Variants in TNRC18 observed in about 807,000 individuals in gnomAD.
The protein encoded by TNRC18 is trinucleotide repeat-containing gene 18 protein.
TNRC18 carries 69 observed loss-of-function variants against 226.7 expected under a neutral mutation model. The observed-to-expected ratio is 0.30, with a 90% CI of 0.25 to 0.37. The LOEUF is 0.37. Ranked by LOEUF, TNRC18 falls within the 10% of genes least tolerant of loss-of-function variation. The probability of loss-of-function intolerance (pLI) is 1.00; values close to 1 mark genes in which losing one functional copy is unlikely to be tolerated. For missense variants in TNRC18, 4,754 were observed against 4,256.6 expected, an observed-to-expected ratio of 1.12 and a Z score of -3.25; for synonymous variants, 2,449 against 1,927.6, an observed-to-expected ratio of 1.27 and a Z score of -7.09.
At chr7:5,393,691 CAG>C (rs1780462066) in intron 3 of TNRC18, among the ~76,000 whole-genome samples, 1 of 152,202 alleles carries the variant, frequency 6.6e-6, no homozygotes, top group Non-Finnish European at 1.5e-5. Flanking sequence ...CCAGAGAAGA[CAG>C]AGGAGCTTGG....
intron 2 of TNRC18, among the ~76,000 whole-genome samples, chr7:5,397,203 G>A (rs1366158804): frequency 6.6e-6 from 1 of 152,152 alleles, no homozygotes; most frequent in Non-Finnish European, 1.5e-5. Context: ...GGGGCAGCAG[G>A]GCCTCCAAGC....
chr7:5,345,930 G>A (rs1346012004), intron 17 of TNRC18, 120 bp from the exon 18 acceptor site: 2 of 1,365,436 alleles, frequency 1.5e-6, no homozygotes, highest in Non-Finnish European at 1.9e-6. Context: ...CCTGAGCAGG[G>A]GGCCGCTGGG....
chr7:5,413,959 TTTG>T (rs1369783519), intron 2 of TNRC18, among the ~76,000 whole-genome samples: 4 of 150,114 alleles, frequency 2.7e-5, no homozygotes, highest in African/African-American at 7.6e-5. Context: ...CACTGTCTTA[TTTG>T]TTTTTTTTGA....
chr7:5,381,604 A>G (rs1338201253), intron 5 of TNRC18, among the ~76,000 whole-genome samples: 3 of 152,162 alleles, frequency 2.0e-5, no homozygotes, highest in Non-Finnish European at 4.4e-5. Flanking sequence ...CAACCTGGGC[A>G]ACGGAGTGAG....
intron 2 of TNRC18, among the ~76,000 whole-genome samples, chr7:5,418,963 C>T (rs963642541): frequency 1.8e-4 from 28 of 152,232 alleles, no homozygotes; most frequent in African/African-American, 6.8e-4. Flanking sequence ...CAGCACCGGC[C>T]CCCACCTTTC....
At chr7:5,352,151 C>A (rs1583876384) in intron 16 of TNRC18, 57 bp from the exon 17 acceptor site, 5 of 1,502,376 alleles carry the variant, frequency 3.3e-6, no homozygotes, top group Middle Eastern at 1.8e-4. Context: ...GAGCTGGTGT[C>A]ATTTTATTGG....
At chr7:5,336,329 C>G (rs1341272677) in intron 18 of TNRC18, among the ~76,000 whole-genome samples, 1 of 152,052 alleles carries the variant, frequency 6.6e-6, no homozygotes, top group Non-Finnish European at 1.5e-5. Context: ...GAAAGAACAG[C>G]CAACGATTCT....
chr7:5,351,339 T>C (rs1483959540), intron 17 of TNRC18, among the ~76,000 whole-genome samples: 1 of 151,982 alleles, frequency 6.6e-6, no homozygotes, highest in Non-Finnish European at 1.5e-5. Context: ...ATTACCAAAA[T>C]CGCGGTACAA....
Position 5,372,129 on chromosome 7 carries a change from G to A in TNRC18, c.3230-765C>T, listed in dbSNP as rs530699708. 4.0e-5 allele frequency among the ~76,000 whole-genome samples: 6 copies of A among 151,358 alleles called. No homozygotes were observed. The South Asian group carries it at 8.4e-4, about 21-fold the overall frequency. On this transcript the variant is annotated intron_variant, in intron 10 of 29. Transcript: ENST00000430969. ...GTCACCCAGACTGGAGTGCAGTGGC[G>A]CGATCGCGGCTCACTACAAGCTCCA...
rs1788805569 is a variant in TNRC18, at chr7:5,325,425, T to G, written c.6148-177A>C. 1.0e-5 allele frequency: 7 copies of G among 672,172 alleles called. 1 individual carries two copies. The South Asian group carries it at 1.3e-4, about 12-fold the overall frequency. The allele number at this position is 672,172 out of a possible 1,614,324, so 41.6% of individuals were successfully genotyped here. On this transcript the variant is annotated intron_variant, in intron 19 of 29. Coordinates refer to ENST00000430969, the MANE Select transcript of TNRC18 (RefSeq NM_001080495.3). Reference sequence around the variant, plus strand: ...AAGCGTTTTTGGTTTTGGGTTTTTTTTTGTTTTTTTTTTTTTGAGACGGAG... The same window carrying G: ...AAGCGTTTTTGGTTTTGGGTTTTTTGTTGTTTTTTTTTTTTTGAGACGGAG...
intron 5 of TNRC18, among the ~76,000 whole-genome samples, chr7:5,381,620 G>A (rs1017364364): frequency 1.3e-5 from 2 of 151,612 alleles, no homozygotes; most frequent in African/African-American, 4.8e-5. Context: ...GTGAGACCCT[G>A]TTTCCAAAAA....
Position 5,389,049 on chromosome 7 carries a change from C to T in TNRC18, c.775G>A (p.Ala259Thr). ...GCCAGGAAGGGCGACAGGCGCTCAGCCAGGCGCGGGGGCCCCCGGTCCTGG... is the reference window on the plus strand; with the variant it reads ...GCCAGGAAGGGCGACAGGCGCTCAGTCAGGCGCGGGGGCCCCCGGTCCTGG... ...GRQDRGPPRL[A>T]ERLSPFLAES... Residue 259 changes from alanine to threonine, a missense_variant, in exon 5 of 30, where the codon GCT (alanine) becomes ACT (threonine). Physicochemically the swap from Ala to Thr is moderately conservative, Grantham distance 58 (BLOSUM62 0). Transcript: ENST00000430969. 7.7e-7 allele frequency: 1 copy of T among 1,293,386 alleles called. No individual in the cohort carries two copies. 80.1% of individuals were successfully genotyped at this position (1,293,386 alleles called of 1,614,324 possible). A position where few individuals can be genotyped will look rare whatever the true frequency, so the allele number is the denominator to read the frequency against.
At chr7:5,420,700 T>C in intron 2 of TNRC18, 2 of 522,766 alleles carry the variant, frequency 3.8e-6, no homozygotes, top group Non-Finnish European at 7.4e-6. Context: ...AGCGGGTGTC[T>C]CGCGGGGTGC....
chr7:5,368,949 T>C (rs1449557594), intron 11 of TNRC18, among the ~76,000 whole-genome samples: 1 of 152,030 alleles, frequency 6.6e-6, no homozygotes, highest in East Asian at 1.9e-4. Flanking sequence ...CTTTGAGAAC[T>C]ACCCTCCCCC....
intron 24 of TNRC18, among the ~76,000 whole-genome samples, chr7:5,316,309 C>T (rs1359796640): frequency 9.7e-6 from 1 of 103,422 alleles, no homozygotes; most frequent in Admixed American, 1.5e-4. Flanking sequence ...GACAGAGTTT[C>T]GCTGTCGATG....
chr7:5,367,906 G>A lies in TNRC18; in HGVS notation c.4219+2469C>T, dbSNP rs530564713. On this transcript the variant is annotated intron_variant, in intron 11 of 29. Coordinates refer to ENST00000430969, the MANE Select transcript of TNRC18 (RefSeq NM_001080495.3). ...CTCCAGGCTTCCTTGAGGGCCATCT[G>A]ACCATGACAGTCACAAAGCCTTGAA... Among the ~76,000 whole-genome samples the A allele has an allele frequency of 6.6e-5, 10 of 152,260 alleles. No homozygotes were observed. In the South Asian group the frequency reaches 2.1e-3, roughly 32 times the overall value.
chr7:5,389,461 G>GTTTTTTTGTTTTTTTTTTGGTTTTT (rs1554297477), intron 4 of TNRC18, 125 bp from the exon 5 acceptor site: 9 of 565,556 alleles, frequency 1.6e-5, no homozygotes, highest in African/African-American at 2.7e-5. Context: ...TTTGGTTTTG[G>GTTTTTTTGTTTTTTTTTTGGTTTTT]TTTTTTTTTT....
chr7:5,345,517 G>GGGGGGCGCCCCCCACCCCCCCC, intron 18 of TNRC18, 45 bp downstream of exon 18: 1 of 377,744 alleles, frequency 2.6e-6, no homozygotes, highest in East Asian at 4.6e-5. Flanking sequence ...AATGGCGTCC[G>GGGGGGCGCCCCCCACCCCCCCC]CCCCTCCCAC....
rs1201723020 is a variant in TNRC18 at position 5,389,072 on chromosome 7, T to C, written c.752A>G (p.Gln251Arg). 2 of 1,279,386 alleles carry C rather than the reference T, an allele frequency of 1.6e-6. No homozygotes were observed. Among genetic ancestry groups the C allele is most frequent in the African/African-American group, 1.6e-5 (1 of 62,212 alleles). The allele number at this position is 1,279,386 out of a possible 1,614,324, so 79.3% of individuals were successfully genotyped here. A position where few individuals can be genotyped will look rare whatever the true frequency, so the allele number is the denominator to read the frequency against. The change falls in exon 5 of 30, where the codon CAG becomes CGG. Residue 251 changes from glutamine (Q) to arginine (R), a missense_variant. Physicochemically the swap from Gln to Arg is conservative, Grantham distance 43 (BLOSUM62 1). Coordinates refer to ENST00000430969, the MANE Select transcript of TNRC18 (RefSeq NM_001080495.3). ...LTQEARAEGR[Q>R]DRGPPRLAER... ...AGCCAGGCGCGGGGGCCCCCGGTCC[T>C]GGCGGCCCTCGGCGCGCGCCTCCTG...
Sources: allele counts gnomAD v4.1 joint callset (sites outside exome capture counted in the v4.1 genomes callset), GRCh38; gene constraint gnomAD v4.1.1; transcripts MANE v1.5; gene names NCBI Gene and HGNC (gene_info 2026-07-23, HGNC 2026-07-21).